UTRN: variants seen among roughly 807,000 people sequenced by gnomAD.
UTRN encodes dystrophin-related protein 1.
In UTRN, 283 loss-of-function variants were observed where a neutral mutation model predicts 463.9. That is an observed-to-expected ratio of 0.61 (90% CI 0.55 to 0.67). The LOEUF (loss-of-function observed/expected upper bound fraction) is 0.67, where lower values mean the gene tolerates loss of function less well. UTRN is among the 30% of genes least tolerant of loss of function. UTRN has a pLI of 0.00. For synonymous variants in UTRN, 1,442 were observed against 1,431.5 expected, an observed-to-expected ratio of 1.01 and a Z score of -0.17; for missense variants, 3,922 against 4,084.3, an observed-to-expected ratio of 0.96 and a Z score of 1.08.
intron 2 of UTRN, among the ~76,000 whole-genome samples, chr6:144,357,839 C>G (rs1778705709): frequency 6.6e-6 from 1 of 152,230 alleles, no homozygotes; most frequent in South Asian, 2.1e-4. Flanking sequence ...GTCTACTCAA[C>G]TTAGTAAACT....
chr6:144,517,705 C>T (rs1292057391), intron 39 of UTRN, among the ~76,000 whole-genome samples: 4 of 152,270 alleles, frequency 2.6e-5, no homozygotes, highest in African/African-American at 7.2e-5. Context: ...AACTGTGTTT[C>T]AGAATTGCCT....
At chr6:144,429,804 TA>T in intron 9 of UTRN, 63 bp downstream of exon 9, 1 of 1,544,044 alleles carries the variant, frequency 6.5e-7, no homozygotes, top group Non-Finnish European at 8.7e-7. Context: ...AGGTACTAGA[TA>T]AAAACACTTT....
At chr6:144,609,132 T>TA in intron 51 of UTRN, among the ~76,000 whole-genome samples, 1 of 152,254 alleles carries the variant, frequency 6.6e-6, no homozygotes, top group African/African-American at 2.4e-5. Context: ...CTCTCTATTA[T>TA]AAAAAGATAC....
chr6:144,467,676 T>C (rs1349010529), intron 23 of UTRN, among the ~76,000 whole-genome samples: 1 of 152,168 alleles, frequency 6.6e-6, no homozygotes, highest in African/African-American at 2.4e-5. Context: ...TTGGAAAGCA[T>C]TTTAGGGTAA....
intron 3 of UTRN, among the ~76,000 whole-genome samples, chr6:144,413,883 A>G (rs1299403596): frequency 6.6e-6 from 1 of 152,118 alleles, no homozygotes; most frequent in Non-Finnish European, 1.5e-5. Context: ...GGCTCACTGC[A>G]ACCTCTACCT....
chr6:144,842,916 C>T (rs1278245711), intron 73 of UTRN, among the ~76,000 whole-genome samples: 1 of 152,002 alleles, frequency 6.6e-6, no homozygotes, highest in Non-Finnish European at 1.5e-5. Flanking sequence ...TGAATGCTCA[C>T]ATGCTACCAG....
chr6:144,589,494 A>C (rs1027466856), intron 51 of UTRN, among the ~76,000 whole-genome samples: 1 of 152,210 alleles, frequency 6.6e-6, no homozygotes, highest in Non-Finnish European at 1.5e-5. Flanking sequence ...TGTGTTCAAC[A>C]TAGATTTTCT....
intron 25 of UTRN, among the ~76,000 whole-genome samples, chr6:144,477,405 ATTT>A (rs1791331548): frequency 6.6e-6 from 1 of 152,128 alleles, no homozygotes; most frequent in African/African-American, 2.4e-5. Flanking sequence ...TACCCAACTT[ATTT>A]TGAACATGTT....
At chr6:144,433,036 A>C (rs371155986) in intron 9 of UTRN, among the ~76,000 whole-genome samples, 3 of 152,236 alleles carry the variant, frequency 2.0e-5, no homozygotes, top group African/African-American at 7.2e-5. Context: ...CCAAGGCAGA[A>C]GAATTTTTCT....
At chr6:144,548,943 C>A in intron 47 of UTRN, 89 bp downstream of exon 47, 1 of 1,346,010 alleles carries the variant, frequency 7.4e-7, no homozygotes, top group Non-Finnish European at 1.0e-6. Context: ...TTATCCTAAA[C>A]TATGAGAGAA....
At chr6:144,627,456 G>A (rs902488898) in intron 51 of UTRN, among the ~76,000 whole-genome samples, 1 of 151,976 alleles carries the variant, frequency 6.6e-6, no homozygotes, top group African/African-American at 2.4e-5. Flanking sequence ...AAAAACTATG[G>A]TGAAATATAC....
intron 60 of UTRN, among the ~76,000 whole-genome samples, chr6:144,775,149 C>T (rs937488834): frequency 2.6e-5 from 4 of 152,086 alleles, no homozygotes; most frequent in East Asian, 1.9e-4. Context: ...TGTTAATATA[C>T]GTCTAGGCAG....
intron 2 of UTRN, among the ~76,000 whole-genome samples, chr6:144,384,397 T>C (rs1273934656): frequency 1.3e-5 from 2 of 152,106 alleles, no homozygotes; most frequent in African/African-American, 4.8e-5. Context: ...ATGTAGGTCG[T>C]ACACTCCTTA....
Position 144,748,603 on chromosome 6 carries a change from A to G in UTRN, c.8208+89A>G, listed in dbSNP as rs181599904. 2.0e-6 allele frequency: 3 copies of G among 1,496,742 alleles called. No individual in the cohort carries two copies. The South Asian group carries it at 4.2e-5, about 21-fold the overall frequency. 92.7% of individuals were successfully genotyped at this position (1,496,742 alleles called of 1,614,324 possible). A position where few individuals can be genotyped will look rare whatever the true frequency, so the allele number is the denominator to read the frequency against. ...AAGAGAGCCACGTATATAAATTGTT[A>G]TAAGGGATTGTTACAAAGCCAACGC... On this transcript the variant is annotated intron_variant, in intron 55 of 74. Coordinates refer to ENST00000367545, the MANE Select transcript of UTRN (RefSeq NM_007124.3).
intron 41 of UTRN, among the ~76,000 whole-genome samples, chr6:144,529,101 C>T (rs1796812902): frequency 6.6e-6 from 1 of 152,172 alleles, no homozygotes; most frequent in African/African-American, 2.4e-5. Flanking sequence ...TTGCAGGCCT[C>T]ACTCAGTTTC....
chr6:144,298,143 G>C (rs1288075313), intron 2 of UTRN, among the ~76,000 whole-genome samples: 1 of 152,150 alleles, frequency 6.6e-6, no homozygotes, highest in Non-Finnish European at 1.5e-5. Context: ...TTGTGTGGAG[G>C]CATAGACATT....
chr6:144,846,032 G>A (rs553465470), intron 73 of UTRN, among the ~76,000 whole-genome samples: 1 of 152,086 alleles, frequency 6.6e-6, no homozygotes, highest in Non-Finnish European at 1.5e-5. Flanking sequence ...ATTACTGGGG[G>A]ACAGATCTCC....
intron 54 of UTRN, among the ~76,000 whole-genome samples, chr6:144,746,533 A>T (rs910190840): frequency 2.0e-5 from 3 of 151,116 alleles, no homozygotes; most frequent in Non-Finnish European, 4.4e-5. Flanking sequence ...CACCCAGGCA[A>T]TGGCACTGTG....
Position 144,440,478 on chromosome 6 carries a change from G to A in UTRN, c.1512+7G>A, listed in dbSNP as rs1452903717. ...CCTAGAAGACCAGTTACAGGTAAGA[G>A]TGCTGTAAAGTTGGATAATCCTGAG... On this transcript the variant is annotated splice_region_variant and intron_variant, in intron 13 of 74. Transcript: ENST00000367545. 1.9e-6 allele frequency: 3 copies of A among 1,613,996 alleles called. No individual in the cohort carries two copies. The highest frequency in any genetic ancestry group is 2.5e-6 in the Non-Finnish European group (3 of 1,179,990).
Sources: allele counts gnomAD v4.1 joint callset (sites outside exome capture counted in the v4.1 genomes callset), GRCh38; gene constraint gnomAD v4.1.1; transcripts MANE v1.5; gene names NCBI Gene and HGNC (gene_info 2026-07-23, HGNC 2026-07-21).